Variants in MTA3 observed in about 807,000 individuals in gnomAD.
MTA3 encodes metastasis associated 1 family member 3.
In MTA3, 34 loss-of-function variants were observed where a neutral mutation model predicts 83.5. That is an observed-to-expected ratio of 0.41 (90% confidence interval 0.31 to 0.54). The LOEUF (loss-of-function observed/expected upper bound fraction) is 0.54. MTA3 is among the 20% of genes least tolerant of loss of function. The pLI, the probability that MTA3 is intolerant of heterozygous loss-of-function variation, is 0.33. For missense variants in MTA3, 761 were observed against 726.4 expected, an observed-to-expected ratio of 1.05 and a Z score of -0.55; for synonymous variants, 303 against 252.7, an observed-to-expected ratio of 1.20 and a Z score of -1.89.
At chr2:42,525,949 C>T (rs111241769) in intron 2 of MTA3, among the ~76,000 whole-genome samples, 3 of 151,740 alleles carry the variant, frequency 2.0e-5, no homozygotes, top group Non-Finnish European at 2.9e-5. Context: ...CATGAGCCAC[C>T]GCGCCTGCCC....
intron 3 of MTA3, among the ~76,000 whole-genome samples, chr2:42,594,728 A>ATATATATATATATATATATATATTT: frequency 4.2e-5 from 1 of 24,044 alleles, no homozygotes; most frequent in Non-Finnish European, 6.5e-5. Context: ...ATATATATAT[A>ATATATATATATATATATATATATTT]TTTTTTTTTT....
At chr2:42,662,137 T>C (rs909094608) in intron 8 of MTA3, among the ~76,000 whole-genome samples, 47 of 152,310 alleles carry the variant, frequency 3.1e-4, no homozygotes, top group Non-Finnish European at 3.8e-4. Context: ...AACTGCTTTC[T>C]ATTATTTCCA....
chr2:42,744,703 G>C (rs566477355), intron 16 of MTA3, among the ~76,000 whole-genome samples: 1 of 152,162 alleles, frequency 6.6e-6, no homozygotes, highest in Non-Finnish European at 1.5e-5. Flanking sequence ...AGCGGATTAG[G>C]TATCTAAGAA....
At chr2:42,708,111 C>G in intron 13 of MTA3, 57 bp downstream of exon 13, 1 of 1,526,760 alleles carries the variant, frequency 6.5e-7, no homozygotes, top group Non-Finnish European at 8.8e-7. Context: ...GTTGATTATT[C>G]CTTGGAAACA....
At chr2:42,624,121 T>C (rs1478345731) in intron 4 of MTA3, among the ~76,000 whole-genome samples, 3 of 152,130 alleles carry the variant, frequency 2.0e-5, no homozygotes, top group Admixed American at 2.0e-4. Context: ...GGTTGTTGCT[T>C]TTTAGGATGT....
intron 14 of MTA3, among the ~76,000 whole-genome samples, chr2:42,713,105 T>G (rs981495986): frequency 2.0e-5 from 3 of 152,236 alleles, no homozygotes; most frequent in Non-Finnish European, 4.4e-5. Context: ...GAAGCTAAAG[T>G]GCCTGGAAAA....
intron 4 of MTA3, among the ~76,000 whole-genome samples, chr2:42,630,041 G>A (rs941226206): frequency 3.3e-5 from 5 of 152,100 alleles, no homozygotes; most frequent in Non-Finnish European, 7.4e-5. Context: ...CTCCCCAAGT[G>A]CTAGGATTAC....
intron 15 of MTA3, among the ~76,000 whole-genome samples, chr2:42,719,912 C>T (rs972783342): frequency 1.3e-5 from 2 of 152,096 alleles, no homozygotes; most frequent in East Asian, 3.8e-4. Context: ...TACCTAGAAG[C>T]AAGAATGGCA....
At chr2:42,524,472 G>GTGTTT (rs1553337451) in intron 2 of MTA3, among the ~76,000 whole-genome samples, 1 of 70,666 alleles carries the variant, frequency 1.4e-5, no homozygotes, top group African/African-American at 5.7e-5. Context: ...GGCTAGTTGT[G>GTGTTT]TTTTTTTTTT....
At chr2:42,625,308 A>G (rs1362907314) in intron 4 of MTA3, among the ~76,000 whole-genome samples, 2 of 151,610 alleles carry the variant, frequency 1.3e-5, no homozygotes, top group Non-Finnish European at 2.9e-5. Flanking sequence ...TTGGGATTAC[A>G]GGCGTGAGCC....
chr2:42,688,289 A>G (rs112833540), intron 9 of MTA3, among the ~76,000 whole-genome samples: 2,213 of 152,244 alleles, frequency 0.015, 53 homozygotes, highest in African/African-American at 0.05. Flanking sequence ...TCACCATGCT[A>G]CCCAGGCTGG....
intron 2 of MTA3, among the ~76,000 whole-genome samples, chr2:42,529,023 G>T (rs79591516): frequency 6.6e-6 from 1 of 152,278 alleles, no homozygotes; most frequent in African/African-American, 2.4e-5. Context: ...TACACATCCC[G>T]TTAAGTTACA....
chr2:42,594,036 C>G (rs557055962), intron 3 of MTA3, among the ~76,000 whole-genome samples: 1 of 150,478 alleles, frequency 6.6e-6, no homozygotes, highest in East Asian at 2.0e-4. Context: ...ACTGCAACTT[C>G]CCCCTGTCAG....
chr2:42,630,958 C>T (rs958850215), intron 4 of MTA3, among the ~76,000 whole-genome samples: 1 of 152,096 alleles, frequency 6.6e-6, no homozygotes, highest in Non-Finnish European at 1.5e-5. Flanking sequence ...GTAGTGCTAA[C>T]TTTATATAAG....
chr2:42,587,687 T>G (rs1331137632), intron 3 of MTA3, among the ~76,000 whole-genome samples: 1 of 152,068 alleles, frequency 6.6e-6, no homozygotes, highest in Non-Finnish European at 1.5e-5. Context: ...ACCGCTGCCT[T>G]GAGGTAGGGA....
intron 3 of MTA3, among the ~76,000 whole-genome samples, chr2:42,590,578 G>GACTGAGAA (rs1680850697): frequency 6.6e-6 from 1 of 150,464 alleles, no homozygotes; most frequent in Admixed American, 6.6e-5. Flanking sequence ...ACCCAAAATG[G>GACTGAGAA]ACTGAGAAAC....
At chr2:42,557,830 G>C (rs1212523910) in intron 2 of MTA3, among the ~76,000 whole-genome samples, 1 of 152,150 alleles carries the variant, frequency 6.6e-6, no homozygotes. Context: ...CTGATAAAAA[G>C]AGCAAATTCT....
chr2:42,642,274 T>C (rs1452459778), intron 5 of MTA3, among the ~76,000 whole-genome samples: 1 of 152,160 alleles, frequency 6.6e-6, no homozygotes, highest in East Asian at 1.9e-4. Flanking sequence ...CTTATTATAT[T>C]GTAGAGTATG....
chr2:42,700,075 A>G (rs1263050786), intron 11 of MTA3, among the ~76,000 whole-genome samples: 1 of 152,020 alleles, frequency 6.6e-6, no homozygotes, highest in Non-Finnish European at 1.5e-5. Flanking sequence ...CTGGTGGGAA[A>G]TAGCCAAGTA....
Sources: gnomAD v4.1 joint callset for allele counts (sites outside exome capture counted in the v4.1 genomes callset) on GRCh38, gnomAD v4.1.1 for gene constraint, MANE v1.5 for transcripts, NCBI Gene and HGNC (gene_info 2026-07-23, HGNC 2026-07-21) for gene names.